Variants in ATG7 observed in about 807,000 individuals in gnomAD.
ATG7 encodes autophagy related 7, also known as ubiquitin-like modifier-activating enzyme ATG7.
A neutral mutation model predicts 82.4 loss-of-function variants in ATG7; 70 were observed. That is an observed-to-expected ratio of 0.85 (90% CI 0.70 to 1.04). The LOEUF is 1.04. Among genes scored for constraint, ATG7 ranks in the 50% least tolerant of loss-of-function variants. ATG7 has a pLI of 0.00. For synonymous variants in ATG7, 287 were observed against 313.0 expected (o/e 0.92, Z 0.88); for missense variants, 792 against 864.3 (o/e 0.92, Z 1.05).
intron 3 of ATG7, among the ~76,000 whole-genome samples, chr3:11,288,486 ATC>A (rs369334309): frequency 1.7e-3 from 266 of 152,288 alleles, no homozygotes; most frequent in African/African-American, 6.2e-3. Context: ...CTAGTCTTTT[ATC>A]TCTCTCTTTG....
At chr3:11,536,134 G>C (rs532299514) in intron 20 of ATG7, among the ~76,000 whole-genome samples, 16 of 152,322 alleles carry the variant, frequency 1.1e-4, no homozygotes, top group African/African-American at 3.6e-4. Flanking sequence ...TGGTCTGTGA[G>C]GGGGAGGAAT....
chr3:11,496,894 C>G (rs926496017), intron 20 of ATG7, among the ~76,000 whole-genome samples: 1 of 152,056 alleles, frequency 6.6e-6, no homozygotes, highest in Admixed American at 6.6e-5. Flanking sequence ...GAGTCTCGCT[C>G]TGTCACCCAG....
Position 11,338,395 on chromosome 3 carries a change from TAA to T in ATG7, c.890-2249_890-2248del, listed in dbSNP as rs149124620. ...TAAGCAGATTCCATGTCTTTGATGT[TAA>T]GAGACACATTTTTAATTGAATCTAA... On this transcript the variant is annotated intron_variant, in intron 11 of 20. Transcript: ENST00000693202. Among the ~76,000 whole-genome samples, 405 of 152,350 alleles carry T rather than the reference TAA, an allele frequency of 2.7e-3. 1 individual carries two copies. Among genetic ancestry groups the T allele is most frequent in the African/African-American group, 9.3e-3 (385 of 41,582 alleles).
At chr3:11,278,528 G>T (rs1942381711) in intron 1 of ATG7, among the ~76,000 whole-genome samples, 2 of 152,150 alleles carry the variant, frequency 1.3e-5, no homozygotes, top group South Asian at 4.1e-4. Flanking sequence ...TTCTTTCATT[G>T]TTTCAGTCAT....
At chr3:11,536,282 C>G (rs1465106035) in intron 20 of ATG7, among the ~76,000 whole-genome samples, 1 of 152,200 alleles carries the variant, frequency 6.6e-6, no homozygotes. Flanking sequence ...GAATACAGCC[C>G]CTCATCAGCG....
chr3:11,389,911 A>G (rs988738017), intron 19 of ATG7, among the ~76,000 whole-genome samples: 1 of 152,236 alleles, frequency 6.6e-6, no homozygotes, highest in African/African-American at 2.4e-5. Flanking sequence ...ATGCAAAAGC[A>G]TATTTTTGTG....
In ATG7 at chr3:11,316,609, T is replaced by C. The variant is rs548850034; in HGVS notation, c.678+1116T>C. ...GTACAAGTTTCTTTTTGTGCCATAT[T>C]AGACTGTAAGCTCCAAGAGGGCAGG... On this transcript the variant is annotated intron_variant, in intron 9 of 20. Transcript: ENST00000693202. 5.9e-5 allele frequency among the ~76,000 whole-genome samples: 9 copies of C among 152,364 alleles called. No homozygotes were observed. The East Asian group carries it at 1.5e-3, about 26-fold the overall frequency.
At chr3:11,354,597 C>T (rs900867310) in intron 14 of ATG7, among the ~76,000 whole-genome samples, 2 of 145,208 alleles carry the variant, frequency 1.4e-5, no homozygotes, top group Non-Finnish European at 3.0e-5. Context: ...TGCAGTGAGC[C>T]GAGATCACGC....
At chr3:11,469,840 A>T (rs999801736) in intron 20 of ATG7, among the ~76,000 whole-genome samples, 2 of 151,888 alleles carry the variant, frequency 1.3e-5, no homozygotes, top group African/African-American at 4.8e-5. Context: ...TACCAAAAAA[A>T]GTAGCCAGGC....
intron 13 of ATG7, among the ~76,000 whole-genome samples, chr3:11,345,889 A>C (rs919524343): frequency 6.6e-6 from 1 of 152,222 alleles, no homozygotes; most frequent in Admixed American, 6.5e-5. Flanking sequence ...AAGCCATTAT[A>C]GAAAATATAA....
At chr3:11,349,264 A>G (rs2152792152) in intron 14 of ATG7, among the ~76,000 whole-genome samples, 1 of 152,272 alleles carries the variant, frequency 6.6e-6, no homozygotes, top group East Asian at 1.9e-4. Flanking sequence ...CAACCCAGGA[A>G]GTCCAGCTGG....
intron 8 of ATG7, 130 bp from the exon 9 acceptor site, chr3:11,315,214 T>C (rs576382450): frequency 8.8e-5 from 70 of 795,310 alleles, no homozygotes; most frequent in Non-Finnish European, 1.1e-4. Context: ...CTTGCTGTAA[T>C]AGAGTAAGAG....
At chr3:11,299,103 T>C (rs1946390884) in intron 4 of ATG7, 2 of 601,716 alleles carry the variant, frequency 3.3e-6, no homozygotes, top group African/African-American at 3.7e-5. Flanking sequence ...TACTTAGCAT[T>C]GCTGTGGGAA....
intron 20 of ATG7, among the ~76,000 whole-genome samples, chr3:11,534,903 C>G (rs2092761141): frequency 6.6e-6 from 1 of 152,272 alleles, no homozygotes; most frequent in Non-Finnish European, 1.5e-5. Context: ...AGGCGCAGCC[C>G]TGCTGCGGAG....
rs1044788793 is a variant in ATG7 at position 11,557,117 on chromosome 3, G to C, written c.*2274G>C. The stretch of plus-strand genomic sequence containing the variant: ...CCTCTGGTGGGCCAGGTGGGACACA[G>C]CACACCCCAGGGGGAGGGGATAGAA... On this transcript the variant is annotated 3_prime_UTR_variant, in exon 21 of 21. Transcript: ENST00000693202. 6.6e-6 allele frequency: 1 copy of C among 152,560 alleles called. No homozygotes were observed. Among genetic ancestry groups the C allele is most frequent in the African/African-American group, 2.4e-5 (1 of 41,466 alleles). 9.5% of individuals were successfully genotyped at this position (152,560 alleles called of 1,614,324 possible).
At chr3:11,376,905 A>T (rs778945129) in intron 18 of ATG7, among the ~76,000 whole-genome samples, 4 of 151,814 alleles carry the variant, frequency 2.6e-5, no homozygotes. Context: ...CGCCCAGCTA[A>T]TTTTTTTGTA....
At chr3:11,507,087 C>G (rs2153070115) in intron 20 of ATG7, among the ~76,000 whole-genome samples, 1 of 152,194 alleles carries the variant, frequency 6.6e-6, no homozygotes, top group South Asian at 2.1e-4. Context: ...TTGAGAACAG[C>G]CAGGCCCAAC....
At chr3:11,331,997 AAT>A (rs1168574512) in intron 10 of ATG7, among the ~76,000 whole-genome samples, 5 of 152,336 alleles carry the variant, frequency 3.3e-5, no homozygotes, top group Admixed American at 6.5e-5. Context: ...CAAAATTAAA[AAT>A]ATCTATGGCT....
chr3:11,287,272 G>A (rs968795586), intron 3 of ATG7, among the ~76,000 whole-genome samples: 2 of 152,196 alleles, frequency 1.3e-5, no homozygotes, highest in Admixed American at 1.3e-4. Flanking sequence ...TAGCTGCCAG[G>A]GGAGGAGTAT....
Sources: gnomAD v4.1 joint callset for allele counts (sites outside exome capture counted in the v4.1 genomes callset) on GRCh38, gnomAD v4.1.1 for gene constraint, MANE v1.5 for transcripts, NCBI Gene and HGNC (gene_info 2026-07-23, HGNC 2026-07-21) for gene names.